Variants in ATP13A4 observed in about 807,000 individuals in gnomAD.
ATP13A4 encodes the protein ATPase 13A4.
In ATP13A4, 114 loss-of-function variants were observed where a neutral mutation model predicts 142.5. The observed-to-expected ratio is 0.80, with a 90% CI of 0.69 to 0.93. ATP13A4 has a LOEUF of 0.93. ATP13A4 is among the 40% of genes least tolerant of loss of function. The pLI, the probability that ATP13A4 is intolerant of heterozygous loss-of-function variation, is 0.00. For synonymous variants in ATP13A4, 488 were observed against 514.8 expected, an observed-to-expected ratio of 0.95 and a Z score of 0.70; for missense variants, 1,392 against 1,454.0, an observed-to-expected ratio of 0.96 and a Z score of 0.69.
intron 18 of ATP13A4, among the ~76,000 whole-genome samples, chr3:193,445,015 C>T (rs1012775998): frequency 1.1e-4 from 17 of 152,190 alleles, no homozygotes; most frequent in Non-Finnish European, 1.8e-4. Flanking sequence ...AATCATCTGA[C>T]AGAAAAATCT....
At chr3:193,407,997 T>C (rs1714587809) in intron 28 of ATP13A4, among the ~76,000 whole-genome samples, 1 of 152,258 alleles carries the variant, frequency 6.6e-6, no homozygotes, top group African/African-American at 2.4e-5. Context: ...GAAATCAAGC[T>C]TGTCATGACC....
chr3:193,502,776 C>G, intron 2 of ATP13A4, 137 bp from the exon 3 acceptor site: 1 of 939,928 alleles, frequency 1.1e-6, no homozygotes, highest in Non-Finnish European at 1.6e-6. Flanking sequence ...CGGTTTGTCT[C>G]TGAAAGATGA....
chr3:193,424,298 CAA>C (rs1715545373), intron 25 of ATP13A4, among the ~76,000 whole-genome samples: 1 of 133,428 alleles, frequency 7.5e-6, no homozygotes, highest in African/African-American at 2.8e-5. Flanking sequence ...ATCAAAACAC[CAA>C]AGAAATTTTT....
intron 8 of ATP13A4, among the ~76,000 whole-genome samples, chr3:193,479,283 G>A (rs376556802): frequency 2.4e-4 from 36 of 152,170 alleles, no homozygotes; most frequent in African/African-American, 8.4e-4. Flanking sequence ...TCAGACAAGA[G>A]AAGGAAATAA....
At chr3:193,539,800 G>A (rs1577064152) in intron 1 of ATP13A4, among the ~76,000 whole-genome samples, 1 of 152,150 alleles carries the variant, frequency 6.6e-6, no homozygotes, top group African/African-American at 2.4e-5. Flanking sequence ...GGTATAGGAC[G>A]TAGTAGTTAG....
chr3:193,465,552 T>C (rs547107974), intron 11 of ATP13A4, among the ~76,000 whole-genome samples: 92 of 152,028 alleles, frequency 6.1e-4, no homozygotes, highest in African/African-American at 2.1e-3. Flanking sequence ...GTTAAAGGCA[T>C]GACCATGTTT....
At chr3:193,571,518 A>G (rs1724266025) in intron 2 of ATP13A4, among the ~76,000 whole-genome samples, 1 of 152,128 alleles carries the variant, frequency 6.6e-6, no homozygotes, top group South Asian at 2.1e-4. Flanking sequence ...GGAGAAACCT[A>G]CCAAATATTG....
upstream of ATP13A4, among the ~76,000 whole-genome samples, chr3:193,556,491 GTA>G (rs1416907239): frequency 1.4e-5 from 2 of 141,236 alleles, no homozygotes; most frequent in Non-Finnish European, 3.2e-5. Flanking sequence ...ACGTGTGTGT[GTA>G]TGTGTGTGTG....
At chr3:193,566,173 G>A (rs991247871) in intron 2 of ATP13A4, among the ~76,000 whole-genome samples, 4 of 152,110 alleles carry the variant, frequency 2.6e-5, no homozygotes, top group Non-Finnish European at 2.9e-5. Context: ...TTCTCCTGGG[G>A]TAATGGACCT....
At chr3:193,407,247 A>G (rs904313314) in intron 29 of ATP13A4, 66 bp downstream of exon 29, 4 of 1,441,190 alleles carry the variant, frequency 2.8e-6, no homozygotes, top group Non-Finnish European at 3.9e-6. Context: ...CAGAGTCCCA[A>G]AGAAGTCCCC....
rs759252917 is a variant in ATP13A4 at position 193,467,505 on chromosome 3, T to C, written c.944-19A>G. 6.2e-7 allele frequency: 1 copy of C among 1,611,592 alleles called. No individual in the cohort carries two copies. The highest frequency in any genetic ancestry group is 1.1e-5 in the South Asian group (1 of 90,992). On this transcript the variant is annotated intron_variant, in intron 9 of 29. Transcript: ENST00000342695. ...CTTTCTCCTACAGAAAACAAGCATC[T>C]TGTTTTGTGAGGCAGGATGGCTTCC...
intron 8 of ATP13A4, among the ~76,000 whole-genome samples, chr3:193,480,520 T>C (rs1719229174): frequency 6.6e-6 from 1 of 151,994 alleles, no homozygotes; most frequent in South Asian, 2.1e-4. Flanking sequence ...AAGAAACATA[T>C]GAAAAAGTGC....
At chr3:193,456,850 C>T (rs1221429317) in intron 16 of ATP13A4, 150 bp downstream of exon 16, 19 of 978,322 alleles carry the variant, frequency 1.9e-5, no homozygotes, top group South Asian at 4.3e-5. Flanking sequence ...GAGAAAGACA[C>T]GCTTGGTTTT....
intron 6 of ATP13A4, among the ~76,000 whole-genome samples, chr3:193,490,690 G>A (rs574310633): frequency 6.6e-5 from 10 of 152,210 alleles, no homozygotes; most frequent in African/African-American, 2.4e-4. Flanking sequence ...ATTCCCTATT[G>A]GTTTGTTTTA....
intron 17 of ATP13A4, among the ~76,000 whole-genome samples, chr3:193,449,104 G>A (rs1197969317): frequency 6.6e-6 from 1 of 152,184 alleles, no homozygotes; most frequent in Admixed American, 6.5e-5. Flanking sequence ...CTCTATTCAG[G>A]TAAAGCTCAT....
At chr3:193,552,745 C>T (rs1313262672) in intron 1 of ATP13A4, among the ~76,000 whole-genome samples, 1 of 152,184 alleles carries the variant, frequency 6.6e-6, no homozygotes, top group African/African-American at 2.4e-5. Context: ...TTAAACTAAC[C>T]TGTGCGGTGC....
chr3:193,573,308 C>CGTATATATATATGTATTCTTATAT (rs1229145689), intron 2 of ATP13A4, among the ~76,000 whole-genome samples: 1 of 103,674 alleles, frequency 9.6e-6, no homozygotes. Context: ...TATATATATA[C>CGTATATATATATGTATTCTTATAT]ATATATATAT....
intron 1 of ATP13A4, among the ~76,000 whole-genome samples, chr3:193,582,084 CATATATATATATAT>C (rs71912541): frequency 2.3e-5 from 1 of 43,598 alleles, no homozygotes. Flanking sequence ...AAAAGACTTC[CATATATATATATAT>C]ATATATATAT....
At chr3:193,555,009 G>T (rs1024955381), upstream of ATP13A4, 1 of 1,278,704 alleles carries the variant, frequency 7.8e-7, no homozygotes, top group Non-Finnish European at 1.1e-6. Flanking sequence ...TCTGCTAGGA[G>T]GAATTGCTGG....
Sources: allele counts gnomAD v4.1 joint callset (sites outside exome capture counted in the v4.1 genomes callset), GRCh38; gene constraint gnomAD v4.1.1; transcripts MANE v1.5; gene names NCBI Gene and HGNC (gene_info 2026-07-23, HGNC 2026-07-21).